Variants in SCAPER observed in about 807,000 individuals in gnomAD.
SCAPER encodes S-phase cyclin A associated protein in the ER.
SCAPER carries 98 observed loss-of-function variants against 182.2 expected under a neutral mutation model. The observed-to-expected ratio is 0.54, with a 90% CI of 0.46 to 0.64. The LOEUF (loss-of-function observed/expected upper bound fraction) is 0.64, where lower values mean the gene tolerates loss of function less well. Among genes scored for constraint, SCAPER ranks in the 30% least tolerant of loss-of-function variants. The pLI is 0.00. For synonymous variants in SCAPER, 605 were observed against 564.6 expected, an observed-to-expected ratio of 1.07 and a Z score of -1.01; for missense variants, 1,432 against 1,690.0, an observed-to-expected ratio of 0.85 and a Z score of 2.68.
In SCAPER at chr15:76,836,649, G is replaced by A. The variant is rs150310745; in HGVS notation, c.393+5085C>T. Reference sequence around the variant, plus strand: ...AGCACTCTGGGAGGCTGAGGTGGGAGGATCACGAGGTCAGGAGATTGAGAC... The same window carrying A: ...AGCACTCTGGGAGGCTGAGGTGGGAAGATCACGAGGTCAGGAGATTGAGAC... On this transcript the variant is annotated intron_variant, in intron 5 of 31. Transcript: ENST00000563290. Among the ~76,000 whole-genome samples the A allele has an allele frequency of 1.6e-4, 24 of 152,278 alleles. No individual in the cohort carries two copies. The East Asian group carries it at 3.7e-3, about 23-fold the overall frequency.
chr15:76,530,511 C>T (rs545172702), intron 23 of SCAPER, among the ~76,000 whole-genome samples: 31 of 152,246 alleles, frequency 2.0e-4, no homozygotes, highest in African/African-American at 7.5e-4. Context: ...CATGTACTGG[C>T]CTCCACTGTC....
chr15:76,461,261 T>C (rs1432775441), intron 25 of SCAPER, among the ~76,000 whole-genome samples: 1 of 152,070 alleles, frequency 6.6e-6, no homozygotes, highest in African/African-American at 2.4e-5. Context: ...GTAGTAGTGA[T>C]GTTAGTTTTG....
chr15:76,560,357 C>T (rs771303774), intron 23 of SCAPER, among the ~76,000 whole-genome samples: 12 of 152,116 alleles, frequency 7.9e-5, no homozygotes, highest in Non-Finnish European at 7.3e-5. Flanking sequence ...AATTCAGGCC[C>T]GTAACTAGAA....
At chr15:76,406,600 T>C (rs926162253) in intron 26 of SCAPER, among the ~76,000 whole-genome samples, 1 of 146,206 alleles carries the variant, frequency 6.8e-6, no homozygotes. Flanking sequence ...CTGGGCAACA[T>C]AGTGAGACCC....
At chr15:76,785,984 C>T (rs1433621167) in intron 8 of SCAPER, among the ~76,000 whole-genome samples, 2 of 151,982 alleles carry the variant, frequency 1.3e-5, no homozygotes, top group East Asian at 1.9e-4. Flanking sequence ...GTGTAACAAA[C>T]CTGCATGTTG....
At chr15:76,524,037 T>C (rs2043008335) in intron 23 of SCAPER, among the ~76,000 whole-genome samples, 1 of 152,144 alleles carries the variant, frequency 6.6e-6, no homozygotes, top group African/African-American at 2.4e-5. Flanking sequence ...CACAATCAGC[T>C]TAACACAAAT....
chr15:76,846,202 T>A (rs1273303244), intron 4 of SCAPER, among the ~76,000 whole-genome samples: 1 of 152,072 alleles, frequency 6.6e-6, no homozygotes, highest in African/African-American at 2.4e-5. Flanking sequence ...TCAAAATGGA[T>A]CAATGACTTA....
intron 5 of SCAPER, among the ~76,000 whole-genome samples, chr15:76,818,972 C>T (rs924117249): frequency 7.9e-5 from 12 of 152,220 alleles, no homozygotes; most frequent in Non-Finnish European, 1.6e-4. Context: ...CCTACGCCCA[C>T]GGAGCCTCCC....
intron 20 of SCAPER, among the ~76,000 whole-genome samples, chr15:76,693,779 T>G (rs1000376242): frequency 1.3e-5 from 2 of 152,136 alleles, no homozygotes; most frequent in South Asian, 2.1e-4. Flanking sequence ...TCCACTTATA[T>G]GGGGTTCATA....
intron 17 of SCAPER, among the ~76,000 whole-genome samples, chr15:76,711,931 C>A (rs180847818): frequency 2.6e-5 from 4 of 152,192 alleles, no homozygotes; most frequent in Admixed American, 2.0e-4. Flanking sequence ...TGCAGAAGGT[C>A]TTTAGTTTAA....
At position 76,504,909 on chromosome 15, in the gene SCAPER, T is replaced by C; in HGVS notation, c.2904A>G (p.Gln968=). 2 of 1,613,074 alleles carry C rather than the reference T, an allele frequency of 1.2e-6. No homozygotes were observed. Among genetic ancestry groups the C allele is most frequent in the South Asian group, 2.2e-5 (2 of 90,808 alleles). Residue 968 remains glutamine (Q), a synonymous_variant, in exon 24 of 32, where the codon CAA becomes CAG. Transcript: ENST00000563290. ...TCACATTTGTGGCTGGGACTACTGC[T>C]TGAAGGATGTGTTCAAGGGCTGTTA... is the stretch of plus-strand genomic sequence containing the variant. ...GGLTALEHIL[Q]AVVPATNVNT...
At chr15:76,458,517 T>C (rs2048917134) in intron 25 of SCAPER, among the ~76,000 whole-genome samples, 1 of 152,172 alleles carries the variant, frequency 6.6e-6, no homozygotes, top group Non-Finnish European at 1.5e-5. Context: ...TTGGAGTTTC[T>C]GAGCTTCTCT....
At position 76,455,239 on chromosome 15, in the gene SCAPER, A is replaced by G. The variant is rs561364531; in HGVS notation, c.3078+15973T>C. Among the ~76,000 whole-genome samples, 4 of 152,330 alleles carry G rather than the reference A, an allele frequency of 2.6e-5. No individual in the cohort carries two copies. In the South Asian group the frequency reaches 6.2e-4, roughly 24 times the overall value. The stretch of plus-strand genomic sequence containing the variant: ...CTTTACTGGCGTATAGTTGACAAAT[A>G]AAAATTGTATATACTTCAGGTGTAC... On this transcript the variant is annotated intron_variant, in intron 25 of 31. Transcript: ENST00000563290.
intron 15 of SCAPER, among the ~76,000 whole-genome samples, chr15:76,738,541 C>CA (rs71143360): frequency 0.96 from 138,837 of 144,200 alleles, 66,871 homozygotes; most frequent in East Asian, 1. Context: ...GACTCTGTCT[C>CA]AAAAAAAAAA....
At chr15:76,784,626 C>A (rs1354961291) in intron 8 of SCAPER, among the ~76,000 whole-genome samples, 1 of 152,212 alleles carries the variant, frequency 6.6e-6, no homozygotes, top group East Asian at 1.9e-4. Context: ...CACTACCTGA[C>A]TTCAAACTAT....
intron 15 of SCAPER, 130 bp from the exon 16 acceptor site, chr15:76,733,514 T>A: frequency 4.6e-6 from 5 of 1,087,486 alleles, no homozygotes; most frequent in Admixed American, 2.9e-5. Context: ...TTTGGGAGGC[T>A]GAGGAAGGCG....
intron 17 of SCAPER, among the ~76,000 whole-genome samples, chr15:76,708,349 T>C (rs1185880034): frequency 6.6e-6 from 1 of 152,020 alleles, no homozygotes; most frequent in Admixed American, 6.6e-5. Context: ...GCCAAATGTA[T>C]TTTGAATGGA....
intron 25 of SCAPER, among the ~76,000 whole-genome samples, chr15:76,448,652 A>G (rs1426281793): frequency 2.6e-5 from 4 of 152,170 alleles, no homozygotes; most frequent in African/African-American, 9.7e-5. Flanking sequence ...CTAAAAAGGT[A>G]TTCTGAGACA....
At chr15:76,407,876 C>T (rs1431867572) in intron 26 of SCAPER, among the ~76,000 whole-genome samples, 3 of 152,122 alleles carry the variant, frequency 2.0e-5, no homozygotes, top group Non-Finnish European at 4.4e-5. Flanking sequence ...CATGGCCAAT[C>T]CTATCTGTCC....
Sources: gnomAD v4.1 joint callset for allele counts (sites outside exome capture counted in the v4.1 genomes callset) on GRCh38, gnomAD v4.1.1 for gene constraint, MANE v1.5 for transcripts, NCBI Gene and HGNC (gene_info 2026-07-23, HGNC 2026-07-21) for gene names.